Variants in MMP16 observed in about 807,000 individuals in gnomAD.
MMP16 encodes matrix metallopeptidase 16.
In MMP16, 12 loss-of-function variants were observed where a neutral mutation model predicts 67.8. The ratio of observed to expected loss-of-function variants is 0.18; its 90% CI spans 0.11 to 0.29. MMP16 has a LOEUF of 0.29. Among genes scored for constraint, MMP16 ranks in the 10% least tolerant of loss-of-function variants. The probability of loss-of-function intolerance (pLI) is 1.00; values close to 1 mark genes in which losing one functional copy is unlikely to be tolerated. For synonymous variants in MMP16, 249 were observed against 255.9 expected, an observed-to-expected ratio of 0.97 and a Z score of 0.26; for missense variants, 475 against 765.7, an observed-to-expected ratio of 0.62 and a Z score of 4.48.
intron 1 of MMP16, among the ~76,000 whole-genome samples, chr8:88,304,414 A>G (rs549800637): frequency 3.3e-5 from 5 of 152,318 alleles, no homozygotes; most frequent in African/African-American, 4.8e-5. Flanking sequence ...CTAGCAAGAC[A>G]GGCCAACATT....
At chr8:88,296,645 G>A (rs1749668141) in intron 1 of MMP16, among the ~76,000 whole-genome samples, 1 of 151,830 alleles carries the variant, frequency 6.6e-6, no homozygotes, top group South Asian at 2.1e-4. Context: ...ACCAGGCTGG[G>A]AAACATGGCA....
chr8:88,265,797 T>G (rs1585987943), intron 1 of MMP16, among the ~76,000 whole-genome samples: 1 of 152,308 alleles, frequency 6.6e-6, no homozygotes, highest in East Asian at 1.9e-4. Context: ...CTTTACATTT[T>G]GGGTAACTTT....
chr8:88,130,075 A>G (rs756678164), intron 4 of MMP16, among the ~76,000 whole-genome samples: 38 of 151,930 alleles, frequency 2.5e-4, no homozygotes, highest in African/African-American at 8.4e-4. Flanking sequence ...TTCAGCAGTA[A>G]CTTGAGCTCA....
At chr8:88,088,084 A>ATATATATAATAGATATCTATATATC (rs1586144433) in intron 6 of MMP16, among the ~76,000 whole-genome samples, 25 of 113,764 alleles carry the variant, frequency 2.2e-4, no homozygotes, top group Admixed American at 3.5e-4. Flanking sequence ...CTATATATCT[A>ATATATATAATAGATATCTATATATC]TATATAATAG....
chr8:88,279,990 G>A (rs943742966), intron 1 of MMP16, among the ~76,000 whole-genome samples: 2 of 152,082 alleles, frequency 1.3e-5, no homozygotes, highest in African/African-American at 4.8e-5. Flanking sequence ...AGGGGCAGAT[G>A]AACCCCAGTG....
At chr8:88,243,931 G>A (rs930362974) in intron 1 of MMP16, among the ~76,000 whole-genome samples, 3 of 152,184 alleles carry the variant, frequency 2.0e-5, no homozygotes, top group African/African-American at 7.2e-5. Context: ...TATCAATGGA[G>A]AGGGAAGTAT....
At chr8:88,195,383 T>C (rs1809233668) in intron 2 of MMP16, among the ~76,000 whole-genome samples, 1 of 152,178 alleles carries the variant, frequency 6.6e-6, no homozygotes, top group Non-Finnish European at 1.5e-5. Context: ...CTAATTTGTT[T>C]CCCAAGTCCT....
chr8:88,172,193 A>T (rs1469270771), intron 3 of MMP16, among the ~76,000 whole-genome samples: 1 of 152,216 alleles, frequency 6.6e-6, no homozygotes, highest in Non-Finnish European at 1.5e-5. Context: ...TAAAAGTAGT[A>T]ACCCCTCATT....
chr8:88,053,895 A>T (rs1439577019), intron 8 of MMP16, among the ~76,000 whole-genome samples: 1 of 152,202 alleles, frequency 6.6e-6, no homozygotes, highest in Non-Finnish European at 1.5e-5. Context: ...GCTTAAAAGT[A>T]ATAAAGGCAT....
At chr8:88,274,995 C>T (rs1017032325) in intron 1 of MMP16, among the ~76,000 whole-genome samples, 3 of 151,954 alleles carry the variant, frequency 2.0e-5, no homozygotes, top group African/African-American at 7.2e-5. Context: ...CCAATTCTCT[C>T]ACCTATCCTT....
chr8:88,143,674 G>GGT (rs1808248133), intron 4 of MMP16, among the ~76,000 whole-genome samples: 2 of 151,856 alleles, frequency 1.3e-5, no homozygotes, highest in African/African-American at 4.8e-5. Flanking sequence ...ATTAGATAAG[G>GGT]GTCTTGAGGG....
At chr8:88,243,165 A>G (rs1281068436) in intron 1 of MMP16, among the ~76,000 whole-genome samples, 4 of 152,182 alleles carry the variant, frequency 2.6e-5, no homozygotes, top group Admixed American at 6.5e-5. Flanking sequence ...ATAATGTCCA[A>G]AAATGAAAGT....
chr8:88,314,645 A>G (rs935146247), intron 1 of MMP16, among the ~76,000 whole-genome samples: 1 of 152,162 alleles, frequency 6.6e-6, no homozygotes, highest in Non-Finnish European at 1.5e-5. Flanking sequence ...CCTTTGCCCT[A>G]AGAAGTATGG....
chr8:88,307,469 A>G (rs1811228092), intron 1 of MMP16, among the ~76,000 whole-genome samples: 1 of 152,118 alleles, frequency 6.6e-6, no homozygotes, highest in Non-Finnish European at 1.5e-5. Context: ...ATAGAAAAAC[A>G]GACAATAACA....
At chr8:88,109,543 T>A (rs1809299232) in intron 6 of MMP16, among the ~76,000 whole-genome samples, 2 of 151,296 alleles carry the variant, frequency 1.3e-5, no homozygotes, top group South Asian at 4.1e-4. Context: ...AAGAATAAAG[T>A]CTAATTTTTG....
chr8:88,046,911 C>A, intron 8 of MMP16, 127 bp from the exon 9 acceptor site: 2 of 509,018 alleles, frequency 3.9e-6, no homozygotes, highest in Non-Finnish European at 6.7e-6. Context: ...TACCTGTGCA[C>A]CTGTTAATGA....
intron 2 of MMP16, among the ~76,000 whole-genome samples, chr8:88,194,984 G>A (rs1809227361): frequency 6.6e-6 from 1 of 151,872 alleles, no homozygotes; most frequent in Non-Finnish European, 1.5e-5. Context: ...TAACTCCCAC[G>A]CACTGACACC....
chr8:88,290,552 C>CAA (rs546607293), intron 1 of MMP16, among the ~76,000 whole-genome samples: 2 of 141,580 alleles, frequency 1.4e-5, no homozygotes, highest in Admixed American at 7.1e-5. Context: ...GACTCCGTCT[C>CAA]AAAAAAAAAA....
intron 3 of MMP16, among the ~76,000 whole-genome samples, chr8:88,184,836 C>T (rs1809048306): frequency 6.8e-6 from 1 of 147,146 alleles, no homozygotes; most frequent in Non-Finnish European, 1.5e-5. Flanking sequence ...ACTAATTTCA[C>T]TTATAGAAAA....
Sources: allele counts gnomAD v4.1 joint callset (sites outside exome capture counted in the v4.1 genomes callset), GRCh38; gene constraint gnomAD v4.1.1; transcripts MANE v1.5; gene names NCBI Gene and HGNC (gene_info 2026-07-23, HGNC 2026-07-21).